The following NFIB variants were observed in gnomAD, a reference collection of about 807,000 sequenced individuals.
The protein encoded by NFIB is nuclear factor 1 B-type.
A neutral mutation model predicts 61.5 loss-of-function variants in NFIB; 11 were observed. That is an observed-to-expected ratio of 0.18 (90% CI 0.11 to 0.30). The LOEUF (loss-of-function observed/expected upper bound fraction) is 0.30, where lower values mean the gene tolerates loss of function less well. NFIB is among the 10% of genes least tolerant of loss of function. The pLI, the probability that NFIB is intolerant of heterozygous loss-of-function variation, is 1.00. For missense variants in NFIB, 471 were observed against 608.9 expected, an observed-to-expected ratio of 0.77 and a Z score of 2.38; for synonymous variants, 260 against 216.5, an observed-to-expected ratio of 1.20 and a Z score of -1.76.
chr9:14,461,954 G>C, the NFIB span, among the ~76,000 whole-genome samples: 1 of 152,202 alleles, frequency 6.6e-6, no homozygotes, highest in Non-Finnish European at 1.5e-5. Flanking sequence ...GTATACACAT[G>C]TTATTGATGA....
chr9:14,345,557 C>T (rs1465654620), intron 1 of NFIB, among the ~76,000 whole-genome samples: 2 of 152,136 alleles, frequency 1.3e-5, no homozygotes, highest in Admixed American at 1.3e-4. Context: ...CCTTTGTGAA[C>T]GGGATCCTTT....
rs190989665 is a variant in NFIB at position 14,096,130 on chromosome 9, G to A, written c.1468-7804C>T. Among the ~76,000 whole-genome samples the A allele has an allele frequency of 6.6e-5, 10 of 152,214 alleles. No homozygotes were observed. In the East Asian group the frequency reaches 1.7e-3, roughly 26 times the overall value. ...AGGTAAGCTAATAAATGGTGCACTG[G>A]CTGTCGAGGGAACTGATTTCTTACG... is the stretch of plus-strand genomic sequence containing the variant. On this transcript the variant is annotated intron_variant, in intron 10 of 10. Coordinates refer to ENST00000380953, the MANE Select transcript of NFIB (RefSeq NM_001190737.2).
At chr9:14,328,494 ATT>A (rs1039927872) in intron 1 of NFIB, among the ~76,000 whole-genome samples, 3 of 151,460 alleles carry the variant, frequency 2.0e-5, no homozygotes, top group Admixed American at 2.0e-4. Flanking sequence ...ATTATCTTTA[ATT>A]TTTTTTGGTT....
intron 1 of NFIB, among the ~76,000 whole-genome samples, chr9:14,359,122 A>G (rs1001594025): frequency 2.6e-5 from 4 of 152,208 alleles, no homozygotes; most frequent in African/African-American, 9.7e-5. Context: ...ATGCTACAAG[A>G]TCAGGGTATA....
intron 8 of NFIB, among the ~76,000 whole-genome samples, chr9:14,117,299 T>C (rs1415007851): frequency 6.6e-6 from 1 of 152,158 alleles, no homozygotes; most frequent in Non-Finnish European, 1.5e-5. Context: ...GGTACAAAAA[T>C]AGTTTCCGTG....
Position 14,116,308 on chromosome 9 carries a change from GC to G in NFIB, c.1283del (p.Gly428AlafsTer19). ...GSGQVVGKVP[G>X]HFTPVLAPSP... ...AGGGTGCCAAGACAGGAGTGAAATG[GC>G]CAGGCACTTTCCCTACTACTTGACC... On this transcript the variant is annotated frameshift_variant, in exon 9 of 11. Coordinates refer to ENST00000380953, the MANE Select transcript of NFIB (RefSeq NM_001190737.2). LOFTEE classifies it high-confidence loss of function. The G allele has an allele frequency of 6.5e-7, 1 of 1,536,226 alleles. No homozygotes were observed. The highest frequency in any genetic ancestry group is 1.4e-5 in the African/African-American group (1 of 72,720).
chr9:14,485,473 C>T, the NFIB span, among the ~76,000 whole-genome samples: 1 of 152,188 alleles, frequency 6.6e-6, no homozygotes, highest in African/African-American at 2.4e-5. Flanking sequence ...CAATACACCA[C>T]AAAGAATGGT....
chr9:14,132,143 C>T (rs1021121605), intron 6 of NFIB, among the ~76,000 whole-genome samples: 3 of 152,114 alleles, frequency 2.0e-5, no homozygotes, highest in African/African-American at 7.2e-5. Context: ...CTATTATTTT[C>T]AGCAAACCAT....
At chr9:14,473,198 G>T in the NFIB span, among the ~76,000 whole-genome samples, 1 of 152,218 alleles carries the variant, frequency 6.6e-6, no homozygotes, top group East Asian at 1.9e-4. Flanking sequence ...CTGAAGGACA[G>T]GCTATGTTTC....
intron 1 of NFIB, among the ~76,000 whole-genome samples, chr9:14,395,726 CTTTTTTTTT>C (rs35417792): frequency 5.0e-4 from 33 of 65,756 alleles, no homozygotes; most frequent in African/African-American, 1.6e-3. Flanking sequence ...ATTCTTTTGA[CTTTTTTTTT>C]TTTTTTTTTT....
At chr9:14,210,406 T>G (rs2050187404) in intron 2 of NFIB, among the ~76,000 whole-genome samples, 1 of 151,982 alleles carries the variant, frequency 6.6e-6, no homozygotes, top group African/African-American at 2.4e-5. Flanking sequence ...ACTTTAAAAA[T>G]AACGAAAAAT....
the NFIB span, among the ~76,000 whole-genome samples, chr9:14,508,181 T>C: frequency 6.6e-6 from 1 of 151,938 alleles, no homozygotes; most frequent in African/African-American, 2.4e-5. Flanking sequence ...ACTGCTTTTC[T>C]ACATAAACAT....
rs995924369 is a variant in NFIB, at chr9:14,082,953, G to C, written c.*5356C>G. 1 of 206,868 alleles carries C rather than the reference G, an allele frequency of 4.8e-6. No individual in the cohort carries two copies. Among genetic ancestry groups the C allele is most frequent in the African/African-American group, 2.3e-5 (1 of 43,794 alleles). The allele number at this position is 206,868 out of a possible 1,614,324, so 12.8% of individuals were successfully genotyped here. On this transcript the variant is annotated 3_prime_UTR_variant, in exon 11 of 11. Transcript: ENST00000380953. ...TAGGCCACCTGTTGTTCCTGGTACT[G>C]TATCATGCAATAAGTCATCAAGGGC...
chr9:14,263,280 ATT>A (rs71321972), intron 2 of NFIB, among the ~76,000 whole-genome samples: 151 of 148,472 alleles, frequency 1.0e-3, no homozygotes, highest in Middle Eastern at 3.4e-3. Flanking sequence ...GCATGAGGGG[ATT>A]TTTTTTTTTT....
chr9:14,098,357 C>A (rs147620001), intron 10 of NFIB, among the ~76,000 whole-genome samples: 290 of 152,256 alleles, frequency 1.9e-3, no homozygotes, highest in Middle Eastern at 0.017. Flanking sequence ...GAGAATGAAA[C>A]AATAAATTCA....
intron 2 of NFIB, among the ~76,000 whole-genome samples, chr9:14,265,542 A>C (rs986157904): frequency 3.3e-5 from 5 of 152,190 alleles, no homozygotes; most frequent in African/African-American, 7.2e-5. Flanking sequence ...CAGTGCCTTG[A>C]TCTTGGCCTT....
chr9:14,210,671 A>T (rs980851717), intron 2 of NFIB, among the ~76,000 whole-genome samples: 1 of 152,068 alleles, frequency 6.6e-6, no homozygotes, highest in African/African-American at 2.4e-5. Flanking sequence ...GTCACTTTAT[A>T]TGGCCAAATA....
the NFIB span, among the ~76,000 whole-genome samples, chr9:14,498,406 A>G: frequency 3.9e-5 from 6 of 152,242 alleles, no homozygotes; most frequent in Non-Finnish European, 8.8e-5. Flanking sequence ...CAACTGTCCT[A>G]CTGGGTAGCG....
the NFIB span, among the ~76,000 whole-genome samples, chr9:14,459,411 A>G: frequency 1.3e-5 from 2 of 152,180 alleles, no homozygotes; most frequent in Admixed American, 6.5e-5. Context: ...AACCATAAAA[A>G]CCCTAGAAGA....
Sources: allele counts gnomAD v4.1 joint callset (sites outside exome capture counted in the v4.1 genomes callset), GRCh38; gene constraint gnomAD v4.1.1; transcripts MANE v1.5; gene names NCBI Gene and HGNC (gene_info 2026-07-23, HGNC 2026-07-21).